The following MSH4 variants were observed in gnomAD, a reference collection of about 807,000 sequenced individuals.
The protein encoded by MSH4 is mutS homolog 4.
In MSH4, 106 loss-of-function variants were observed where a neutral mutation model predicts 113.7. That is an observed-to-expected ratio of 0.93 (90% CI 0.80 to 1.10). The LOEUF (loss-of-function observed/expected upper bound fraction) is 1.10. Ranked by LOEUF, MSH4 falls within the 50% of genes least tolerant of loss-of-function variation. MSH4 has a pLI of 0.00. For missense variants in MSH4, 1,061 were observed against 1,093.7 expected (o/e 0.97, Z 0.42); for synonymous variants, 368 against 380.2 (o/e 0.97, Z 0.37).
At chr1:75,813,567 G>A (rs1465993289) in intron 4 of MSH4, among the ~76,000 whole-genome samples, 1 of 152,098 alleles carries the variant, frequency 6.6e-6, no homozygotes, top group Non-Finnish European at 1.5e-5. Context: ...AATCAGAGAT[G>A]GCCTCATTGA....
intron 7 of MSH4, among the ~76,000 whole-genome samples, chr1:75,842,833 G>T (rs911812604): frequency 1.3e-5 from 2 of 152,102 alleles, no homozygotes; most frequent in Non-Finnish European, 2.9e-5. Flanking sequence ...TTCCCCAGGG[G>T]AGTTTAGAGA....
At position 75,899,643 on chromosome 1, in the gene MSH4, A is replaced by G. The variant is rs775281926; in HGVS notation, c.2556A>G (p.Ser852=). ...GATTAAAAGCTGCAGAGGTGTCATCACTTCCACCATCAATTGTCTTGGATG... is the reference window on the plus strand; with the variant it reads ...GATTAAAAGCTGCAGAGGTGTCATCGCTTCCACCATCAATTGTCTTGGATG... ...NYGLKAAEVS[S]LPPSIVLDAK... The change falls in exon 19 of 20, where the codon TCA becomes TCG. Residue 852 remains serine, a synonymous_variant. Transcript: ENST00000263187. The G allele has an allele frequency of 2.7e-6, 4 of 1,507,680 alleles. No individual in the cohort carries two copies. The highest frequency in any genetic ancestry group is 3.5e-6 in the Non-Finnish European group (4 of 1,134,692). 93.4% of individuals were successfully genotyped at this position (1,507,680 alleles called of 1,614,324 possible). A position where few individuals can be genotyped will look rare whatever the true frequency, so the allele number is the denominator to read the frequency against.
intron 10 of MSH4, among the ~76,000 whole-genome samples, 187 bp from the exon 11 acceptor site, chr1:75,877,962 T>C (rs907685546): frequency 6.6e-6 from 1 of 152,200 alleles, no homozygotes; most frequent in Non-Finnish European, 1.5e-5. Flanking sequence ...TCCTGACTGA[T>C]GAAACAGTTT....
rs1201171253 is a variant in MSH4 at position 75,907,703 on chromosome 1, T to C, written c.2620-4993T>C. Among the ~76,000 whole-genome samples the C allele has an allele frequency of 6.6e-3, 880 of 134,226 alleles. 12 individuals carry two copies. The highest frequency in any genetic ancestry group is 0.012 in the Middle Eastern group (3 of 252). The allele number at this position is 134,226 out of a possible 152,430, so 88.1% of individuals were successfully genotyped here. A position where few individuals can be genotyped will look rare whatever the true frequency, so the allele number is the denominator to read the frequency against. ...CTCTCTCTATACATATATATATATA[T>C]ATATATATATATATATGTATAAAAT... On this transcript the variant is annotated intron_variant, in intron 19 of 19. Transcript: ENST00000263187.
chr1:75,826,724 T>C (rs549846732), intron 7 of MSH4, among the ~76,000 whole-genome samples: 1 of 152,330 alleles, frequency 6.6e-6, no homozygotes, highest in South Asian at 2.1e-4. Flanking sequence ...ATTTACCCAG[T>C]AGTCATTCAG....
intron 4 of MSH4, among the ~76,000 whole-genome samples, chr1:75,813,231 A>G (rs67432875): frequency 0.1 from 15,444 of 152,086 alleles, 1,135 homozygotes; most frequent in South Asian, 0.19. Flanking sequence ...AGTAATCACT[A>G]TTTCTGGGGG....
At chr1:75,806,311 G>T (rs1481405907) in intron 2 of MSH4, among the ~76,000 whole-genome samples, 1 of 122,826 alleles carries the variant, frequency 8.1e-6, no homozygotes, top group Admixed American at 1.0e-4. Flanking sequence ...GCAGTGGCGC[G>T]ATCCCGGCTC....
intron 1 of MSH4, 36 bp downstream of exon 1, chr1:75,797,265 C>T: frequency 6.3e-7 from 1 of 1,575,752 alleles, no homozygotes; most frequent in Non-Finnish European, 8.6e-7. Context: ...CTCCTTGAGG[C>T]TAGAGGCCGG....
intron 7 of MSH4, among the ~76,000 whole-genome samples, chr1:75,843,898 G>A (rs1379764521): frequency 6.6e-6 from 1 of 151,518 alleles, no homozygotes; most frequent in Non-Finnish European, 1.5e-5. Context: ...TGTAACCTCC[G>A]CCTCCCGGGT....
chr1:75,803,195 G>C (rs573795832), intron 1 of MSH4, among the ~76,000 whole-genome samples: 8 of 152,192 alleles, frequency 5.3e-5, no homozygotes, highest in Non-Finnish European at 8.8e-5. Flanking sequence ...ATTTTAGCCA[G>C]AGTAGTTGCA....
In MSH4 at chr1:75,873,806, T is replaced by A. The variant is rs184463005; in HGVS notation, c.1306-3130T>A. Among the ~76,000 whole-genome samples the A allele has an allele frequency of 1.4e-3, 208 of 152,304 alleles. 1 individual carries two copies. The highest frequency in any genetic ancestry group is 4.4e-3 in the African/African-American group (182 of 41,556). ...TGATGTATATAAACCACATTTTCTT[T>A]ATCCAATCTGTCACTCACGGGTATT... On this transcript the variant is annotated intron_variant, in intron 9 of 19. Transcript: ENST00000263187.
intron 17 of MSH4, among the ~76,000 whole-genome samples, chr1:75,893,639 A>C (rs1040897891): frequency 6.6e-6 from 1 of 152,202 alleles, no homozygotes; most frequent in Non-Finnish European, 1.5e-5. Context: ...ACCTATAACT[A>C]GATCTCTAAA....
intron 19 of MSH4, among the ~76,000 whole-genome samples, chr1:75,904,885 A>G (rs983677967): frequency 1.6e-4 from 25 of 152,122 alleles, no homozygotes; most frequent in Middle Eastern, 3.4e-3. Flanking sequence ...GTTGGCATAT[A>G]GTTGTTTACA....
chr1:75,849,319 C>T (rs796922899), intron 8 of MSH4, among the ~76,000 whole-genome samples: 2 of 152,122 alleles, frequency 1.3e-5, no homozygotes, highest in South Asian at 4.1e-4. Flanking sequence ...TGGGTATATT[C>T]TGCAAAGAAA....
chr1:75,887,846 T>A (rs1652160447), intron 15 of MSH4, among the ~76,000 whole-genome samples: 1 of 151,994 alleles, frequency 6.6e-6, no homozygotes, highest in Non-Finnish European at 1.5e-5. Flanking sequence ...CTGATTCAAA[T>A]TCTGGCTCTA....
chr1:75,807,238 A>G, intron 3 of MSH4, 97 bp downstream of exon 3: 1 of 959,288 alleles, frequency 1.0e-6, no homozygotes, highest in Non-Finnish European at 1.5e-6. Context: ...TTGGTAGAAT[A>G]AAGGTTATTC....
At chr1:75,830,270 C>T (rs539206471) in intron 7 of MSH4, among the ~76,000 whole-genome samples, 1 of 152,076 alleles carries the variant, frequency 6.6e-6, no homozygotes, top group Non-Finnish European at 1.5e-5. Context: ...ACAAAGCCTA[C>T]AAGAAATGTG....
intron 17 of MSH4, among the ~76,000 whole-genome samples, chr1:75,897,566 T>A (rs1652411868): frequency 6.6e-6 from 1 of 152,298 alleles, no homozygotes; most frequent in South Asian, 2.1e-4. Context: ...TCCTAATAAA[T>A]GATTACTTCA....
At chr1:75,905,947 T>C (rs530121337) in intron 19 of MSH4, among the ~76,000 whole-genome samples, 126 of 152,176 alleles carry the variant, frequency 8.3e-4, no homozygotes, top group South Asian at 6.2e-3. Flanking sequence ...ACTTTGTAGG[T>C]GAAGTGAGTT....
Sources: allele counts gnomAD v4.1 joint callset (sites outside exome capture counted in the v4.1 genomes callset), GRCh38; gene constraint gnomAD v4.1.1; transcripts MANE v1.5; gene names NCBI Gene and HGNC (gene_info 2026-07-23, HGNC 2026-07-21).